Variants in ADAMTSL1 observed in about 807,000 individuals in gnomAD.
ADAMTSL1 encodes the protein ADAMTS like 1, also known as ADAMTS-like protein 1.
A neutral mutation model predicts 201.8 loss-of-function variants in ADAMTSL1; 126 were observed. That is an observed-to-expected ratio of 0.62 (90% confidence interval 0.54 to 0.72). The LOEUF is 0.72. ADAMTSL1 is among the 30% of genes least tolerant of loss of function. The pLI is 0.00. For synonymous variants in ADAMTSL1, 1,121 were observed against 903.4 expected (o/e 1.24, Z -4.32); for missense variants, 2,679 against 2,277.8 (o/e 1.18, Z -3.59).
intron 2 of ADAMTSL1, among the ~76,000 whole-genome samples, chr9:18,287,650 C>CAGACATAA (rs1192554883): frequency 1.4e-5 from 2 of 139,816 alleles, no homozygotes; most frequent in African/African-American, 5.1e-5. Flanking sequence ...TATGTGTATA[C>CAGACATAA]ATATACACAT....
chr9:18,704,401 T>G (rs1039071026), intron 13 of ADAMTSL1, among the ~76,000 whole-genome samples: 1 of 152,184 alleles, frequency 6.6e-6, no homozygotes, highest in Non-Finnish European at 1.5e-5. Context: ...AAAAAGCTGG[T>G]AGGGTGCAGT....
At chr9:18,175,060 T>A (rs183487004) in intron 2 of ADAMTSL1, among the ~76,000 whole-genome samples, 321 of 152,324 alleles carry the variant, frequency 2.1e-3, no homozygotes, top group African/African-American at 7.5e-3. Flanking sequence ...TAACACCAAC[T>A]TTGAAAATGT....
chr9:18,237,226 C>T (rs749756975), intron 2 of ADAMTSL1, among the ~76,000 whole-genome samples: 1 of 152,158 alleles, frequency 6.6e-6, no homozygotes, highest in African/African-American at 2.4e-5. Context: ...GGAGATGGGC[C>T]CACCTGGCTG....
intron 23 of ADAMTSL1, among the ~76,000 whole-genome samples, chr9:18,847,714 G>A (rs1337989612): frequency 6.6e-6 from 1 of 152,214 alleles, no homozygotes; most frequent in Admixed American, 6.5e-5. Flanking sequence ...AGTTCCGCCT[G>A]CATGAAACGT....
At chr9:18,630,164 G>A (rs1374427367) in intron 5 of ADAMTSL1, among the ~76,000 whole-genome samples, 2 of 152,132 alleles carry the variant, frequency 1.3e-5, no homozygotes, top group Non-Finnish European at 2.9e-5. Context: ...AAATGTGGTA[G>A]ACAGGACCAA....
At chr9:18,602,908 G>C (rs1171599839) in intron 4 of ADAMTSL1, among the ~76,000 whole-genome samples, 1 of 152,106 alleles carries the variant, frequency 6.6e-6, no homozygotes, top group African/African-American at 2.4e-5. Flanking sequence ...AGTTTTCTCT[G>C]AATTTTTGAT....
intron 17 of ADAMTSL1, among the ~76,000 whole-genome samples, chr9:18,775,047 T>G (rs1471716315): frequency 1.6e-5 from 2 of 124,438 alleles, no homozygotes; most frequent in African/African-American, 5.1e-5. Context: ...CAACACTTGT[T>G]GTCTTTTTTT....
chr9:18,294,891 G>A (rs1833412271), intron 2 of ADAMTSL1, among the ~76,000 whole-genome samples: 1 of 152,106 alleles, frequency 6.6e-6, no homozygotes, highest in Admixed American at 6.6e-5. Context: ...CTCTCATTTG[G>A]TTATATTAGA....
At chr9:17,927,294 G>A (rs1013139836) in intron 1 of ADAMTSL1, among the ~76,000 whole-genome samples, 1 of 152,028 alleles carries the variant, frequency 6.6e-6, no homozygotes, top group African/African-American at 2.4e-5. Flanking sequence ...ATGTACATGT[G>A]TATGTACACA....
At chr9:18,718,106 C>T in intron 14 of ADAMTSL1, 1 of 1,261,922 alleles carries the variant, frequency 7.9e-7, no homozygotes, top group Non-Finnish European at 1.2e-6. Flanking sequence ...TAAGAATGCA[C>T]AGTTGTTCCA....
chr9:18,582,663 A>G (rs1207720234), intron 4 of ADAMTSL1, among the ~76,000 whole-genome samples: 1 of 152,056 alleles, frequency 6.6e-6, no homozygotes, highest in Admixed American at 6.5e-5. Flanking sequence ...CCTGGCTAAC[A>G]TGGTGAAACC....
chr9:18,101,812 G>A (rs963870641), intron 1 of ADAMTSL1, among the ~76,000 whole-genome samples: 1 of 152,146 alleles, frequency 6.6e-6, no homozygotes, highest in Non-Finnish European at 1.5e-5. Flanking sequence ...GCTGGCCCTC[G>A]GCTCTAGTGT....
intron 2 of ADAMTSL1, among the ~76,000 whole-genome samples, chr9:18,518,167 A>T (rs1818475854): frequency 6.6e-6 from 1 of 152,172 alleles, no homozygotes. Context: ...TTTATTTTAG[A>T]TTCAGGGGGT....
chr9:18,698,326 G>A (rs1831689054), intron 13 of ADAMTSL1, among the ~76,000 whole-genome samples: 1 of 151,984 alleles, frequency 6.6e-6, no homozygotes, highest in Admixed American at 6.6e-5. Flanking sequence ...TGTCACCTAG[G>A]CTGGAGTGCA....
At chr9:18,142,244 G>A (rs900613218) in intron 1 of ADAMTSL1, among the ~76,000 whole-genome samples, 17 of 152,122 alleles carry the variant, frequency 1.1e-4, no homozygotes, top group Non-Finnish European at 2.1e-4. Flanking sequence ...TCCACACACA[G>A]AGCTCACCAA....
chr9:18,897,432 G>C (rs1370620830), intron 26 of ADAMTSL1, among the ~76,000 whole-genome samples: 1 of 149,972 alleles, frequency 6.7e-6, no homozygotes, highest in East Asian at 1.9e-4. Flanking sequence ...CCTCCCAACA[G>C]GGGTCTCCAG....
chr9:18,451,645 A>T (rs941160349), intron 2 of ADAMTSL1, among the ~76,000 whole-genome samples: 6 of 152,198 alleles, frequency 3.9e-5, no homozygotes, highest in African/African-American at 1.4e-4. Flanking sequence ...TGTGTTACTA[A>T]TTTACTCTAT....
At chr9:18,087,101 G>C (rs895698895) in intron 1 of ADAMTSL1, among the ~76,000 whole-genome samples, 6 of 152,130 alleles carry the variant, frequency 3.9e-5, no homozygotes, top group African/African-American at 1.4e-4. Flanking sequence ...GGGTTAGATA[G>C]CTACTGTGTT....
intron 23 of ADAMTSL1, among the ~76,000 whole-genome samples, chr9:18,860,568 T>G (rs1827149273): frequency 6.6e-6 from 1 of 152,080 alleles, no homozygotes; most frequent in Non-Finnish European, 1.5e-5. Flanking sequence ...GACAAACATC[T>G]TTTGACTACT....
Sources: allele counts gnomAD v4.1 joint callset (sites outside exome capture counted in the v4.1 genomes callset), GRCh38; gene constraint gnomAD v4.1.1; transcripts MANE v1.5; gene names NCBI Gene and HGNC (gene_info 2026-07-23, HGNC 2026-07-21).